The following PKHD1 variants were observed in gnomAD, a reference collection of about 807,000 sequenced individuals.
PKHD1 encodes PKHD1 ciliary IPT domain containing fibrocystin/polyductin.
A neutral mutation model predicts 412.0 loss-of-function variants in PKHD1; 291 were observed. That is an observed-to-expected ratio of 0.71 (90% CI 0.64 to 0.78). PKHD1 has a LOEUF of 0.78. Among genes scored for constraint, PKHD1 ranks in the 30% least tolerant of loss-of-function variants. PKHD1 has a pLI of 0.00. For missense variants in PKHD1, 4,825 were observed against 4,950.7 expected (o/e 0.97, Z 0.76); for synonymous variants, 1,777 against 1,821.5 (o/e 0.98, Z 0.62).
intron 39 of PKHD1, 55 bp downstream of exon 39, chr6:51,911,744 A>G: frequency 6.9e-7 from 1 of 1,454,934 alleles, no homozygotes; most frequent in Non-Finnish European, 9.6e-7. Flanking sequence ...CTATCATCAG[A>G]CAGTAAGAAT....
intron 60 of PKHD1, among the ~76,000 whole-genome samples, chr6:51,725,966 A>G (rs1283778691): frequency 6.6e-6 from 1 of 152,194 alleles, no homozygotes; most frequent in Non-Finnish European, 1.5e-5. Context: ...AGCCAAATGC[A>G]GCTCTGGTGG....
At chr6:51,950,491 A>T (rs1583528958) in intron 36 of PKHD1, among the ~76,000 whole-genome samples, 1 of 151,890 alleles carries the variant, frequency 6.6e-6, no homozygotes, top group East Asian at 1.9e-4. Context: ...GGCTCCTTTT[A>T]TTGTTTTAGG....
At chr6:51,818,390 T>C (rs1397041169) in intron 52 of PKHD1, among the ~76,000 whole-genome samples, 1 of 152,170 alleles carries the variant, frequency 6.6e-6, no homozygotes. Context: ...CACAGCTTTT[T>C]AAAGGCTCTG....
chr6:51,903,530 C>T (rs564067888), intron 43 of PKHD1, 67 bp downstream of exon 43: 2 of 1,434,858 alleles, frequency 1.4e-6, no homozygotes, highest in East Asian at 4.7e-5. Context: ...AGGTTGGACA[C>T]CCCTGATTGA....
intron 58 of PKHD1, among the ~76,000 whole-genome samples, 183 bp from the exon 59 acceptor site, chr6:51,747,072 A>G (rs1785289895): frequency 1.3e-5 from 2 of 152,170 alleles, no homozygotes; most frequent in South Asian, 2.1e-4. Flanking sequence ...CAATACATGG[A>G]CATTGCATGC....
chr6:51,674,217 T>C (rs1160674324), intron 60 of PKHD1, among the ~76,000 whole-genome samples: 3 of 152,220 alleles, frequency 2.0e-5, no homozygotes, highest in Non-Finnish European at 2.9e-5. Context: ...ACCATTGTCA[T>C]TTCAGCTATC....
At chr6:51,779,348 A>C (rs1291617128) in intron 53 of PKHD1, among the ~76,000 whole-genome samples, 1 of 151,914 alleles carries the variant, frequency 6.6e-6, no homozygotes, top group Non-Finnish European at 1.5e-5. Flanking sequence ...ATACTTTCAA[A>C]CCCAGTTCAG....
intron 66 of PKHD1, chr6:51,622,854 T>C (rs918652937): frequency 3.3e-5 from 5 of 152,152 alleles, no homozygotes; most frequent in Admixed American, 6.5e-5. Context: ...ATAGTCAAAT[T>C]TGCTAAACCT....
intron 55 of PKHD1, among the ~76,000 whole-genome samples, chr6:51,756,296 G>A (rs752101491): frequency 6.6e-6 from 1 of 152,102 alleles, no homozygotes; most frequent in Non-Finnish European, 1.5e-5. Context: ...AGGAAACTAA[G>A]TTCCAAATAG....
chr6:51,666,108 A>C (rs1581934494), intron 60 of PKHD1, among the ~76,000 whole-genome samples: 1 of 151,924 alleles, frequency 6.6e-6, no homozygotes, highest in Non-Finnish European at 1.5e-5. Context: ...TCATTGTGAA[A>C]GAGGTGCAAA....
intron 37 of PKHD1, among the ~76,000 whole-genome samples, chr6:51,912,981 T>C (rs1783199073): frequency 6.6e-6 from 1 of 152,044 alleles, no homozygotes; most frequent in Non-Finnish European, 1.5e-5. Context: ...ATCATAGGGT[T>C]TTGGAAGGAT....
intron 35 of PKHD1, among the ~76,000 whole-genome samples, chr6:51,979,704 C>G (rs184456518): frequency 6.6e-6 from 1 of 152,120 alleles, no homozygotes; most frequent in Non-Finnish European, 1.5e-5. Context: ...AAATAAGTAT[C>G]TAATCCTCTA....
chr6:51,845,640 T>C (rs1450681845), intron 50 of PKHD1, among the ~76,000 whole-genome samples: 1 of 152,232 alleles, frequency 6.6e-6, no homozygotes, highest in Non-Finnish European at 1.5e-5. Flanking sequence ...TTCATTTATA[T>C]CATACATATG....
intron 35 of PKHD1, among the ~76,000 whole-genome samples, chr6:51,989,957 AAAG>A (rs1259470928): frequency 9.4e-6 from 1 of 106,226 alleles, no homozygotes; most frequent in East Asian, 2.9e-4. Flanking sequence ...GAAAGGAAGG[AAAG>A]AAGGAAGGAA....
intron 36 of PKHD1, among the ~76,000 whole-genome samples, chr6:51,954,592 G>A (rs1790837457): frequency 6.6e-6 from 1 of 152,060 alleles, no homozygotes; most frequent in African/African-American, 2.4e-5. Flanking sequence ...ACTACAAACT[G>A]TCTTCCTTTT....
intron 36 of PKHD1, among the ~76,000 whole-genome samples, chr6:51,941,422 A>G (rs1788543788): frequency 6.7e-6 from 1 of 148,524 alleles, no homozygotes. Context: ...CGCCCGGCTA[A>G]TTTTTTGTAT....
At chr6:52,071,577 AT>A (rs1810619451) in intron 8 of PKHD1, among the ~76,000 whole-genome samples, 1 of 152,082 alleles carries the variant, frequency 6.6e-6, no homozygotes, top group South Asian at 2.1e-4. Flanking sequence ...AACATTGGGT[AT>A]TTAAACTGGA....
intron 33 of PKHD1, 144 bp from the exon 34 acceptor site, chr6:52,017,773 A>G (rs1456471588): frequency 3.0e-6 from 2 of 677,516 alleles, no homozygotes; most frequent in East Asian, 2.7e-5. Context: ...TGTATTGTAT[A>G]TGTGTAATGT....
chr6:51,910,994 A>G (rs1782856477), intron 39 of PKHD1, among the ~76,000 whole-genome samples: 1 of 152,050 alleles, frequency 6.6e-6, no homozygotes, highest in African/African-American at 2.4e-5. Flanking sequence ...ACATCTCTAC[A>G]CAGTTGGCTG....
Sources: allele counts gnomAD v4.1 joint callset (sites outside exome capture counted in the v4.1 genomes callset), GRCh38; gene constraint gnomAD v4.1.1; transcripts MANE v1.5; gene names NCBI Gene and HGNC (gene_info 2026-07-23, HGNC 2026-07-21).